Variants in NALF1 observed in about 807,000 individuals in gnomAD.
NALF1 encodes the protein family with sequence similarity 155 member A.
In NALF1, 3 loss-of-function variants were observed where a neutral mutation model predicts 48.4. That is an observed-to-expected ratio of 0.06 (90% CI 0.03 to 0.16). The LOEUF is 0.16. Among genes scored for constraint, NALF1 ranks in the 10% least tolerant of loss-of-function variants. The probability of loss-of-function intolerance (pLI) is 1.00; values close to 1 mark genes in which losing one functional copy is unlikely to be tolerated. For missense variants in NALF1, 526 were observed against 571.5 expected (o/e 0.92, Z 0.81); for synonymous variants, 262 against 245.7 (o/e 1.07, Z -0.62).
At chr13:107,465,072 T>G (rs1884979389) in intron 1 of NALF1, among the ~76,000 whole-genome samples, 1 of 152,136 alleles carries the variant, frequency 6.6e-6, no homozygotes, top group Non-Finnish European at 1.5e-5. Flanking sequence ...AACTTTACTT[T>G]TAACATTTAT....
intron 1 of NALF1, among the ~76,000 whole-genome samples, chr13:107,482,461 A>G (rs1381906878): frequency 1.3e-5 from 2 of 152,178 alleles, no homozygotes; most frequent in African/African-American, 2.4e-5. Flanking sequence ...ATATGCTTCC[A>G]TATCGACAGC....
At chr13:107,788,213 T>C (rs537698801) in intron 1 of NALF1, 2 of 152,344 alleles carry the variant, frequency 1.3e-5, no homozygotes, top group African/African-American at 4.8e-5. Flanking sequence ...TCCTTGTTTT[T>C]CAACTGGATC....
At chr13:107,387,696 C>T in intron 1 of NALF1, among the ~76,000 whole-genome samples, 1 of 152,160 alleles carries the variant, frequency 6.6e-6, no homozygotes, top group East Asian at 1.9e-4. Flanking sequence ...ATTAGAGAGT[C>T]AGACTGCATG....
At chr13:107,363,969 A>G (rs1008074175) in intron 1 of NALF1, among the ~76,000 whole-genome samples, 53 of 152,214 alleles carry the variant, frequency 3.5e-4, no homozygotes, top group Non-Finnish European at 8.8e-5. Flanking sequence ...GCATAAATAA[A>G]AATGAAATAG....
chr13:107,348,606 C>G (rs577277019), intron 1 of NALF1, among the ~76,000 whole-genome samples: 107 of 152,056 alleles, frequency 7.0e-4, no homozygotes, highest in Non-Finnish European at 1.4e-3. Context: ...CTCCCACCCC[C>G]CGGCAGGCCC....
chr13:107,806,820 T>A (rs188831357), intron 1 of NALF1, among the ~76,000 whole-genome samples: 1 of 152,276 alleles, frequency 6.6e-6, no homozygotes, highest in Admixed American at 6.5e-5. Flanking sequence ...TTCAATGCAA[T>A]AAATCAATAA....
At chr13:107,784,859 A>C (rs1878022955) in intron 1 of NALF1, among the ~76,000 whole-genome samples, 2 of 152,176 alleles carry the variant, frequency 1.3e-5, no homozygotes. Context: ...TTAAAGAACT[A>C]AAAGTAGAAC....
At chr13:107,369,685 A>C (rs750891529) in intron 1 of NALF1, among the ~76,000 whole-genome samples, 2 of 152,202 alleles carry the variant, frequency 1.3e-5, no homozygotes, top group Non-Finnish European at 2.9e-5. Context: ...ATTCTATCAA[A>C]AAGGGCTTTA....
chr13:107,522,921 C>A (rs1468386627), intron 1 of NALF1, among the ~76,000 whole-genome samples: 1 of 151,832 alleles, frequency 6.6e-6, no homozygotes, highest in Non-Finnish European at 1.5e-5. Context: ...CCTGGCCCCT[C>A]CAGATTCTTT....
rs183766307 is a variant in NALF1, at chr13:107,866,834, G to A, written c.-238C>T. 3,016 of 552,794 alleles carry A rather than the reference G, an allele frequency of 5.5e-3. 18 individuals carry two copies. Among genetic ancestry groups the A allele is most frequent in the South Asian group, 7.2e-3 (292 of 40,740 alleles). 34.2% of individuals were successfully genotyped at this position (552,794 alleles called of 1,614,324 possible). A position where few individuals can be genotyped will look rare whatever the true frequency, so the allele number is the denominator to read the frequency against. Reference sequence around the variant, plus strand: ...TACATAAATATTACCAGGCTTTGAAGGAAGGTCTGACTTGCTTCCTAATCA... The same window carrying A: ...TACATAAATATTACCAGGCTTTGAAAGAAGGTCTGACTTGCTTCCTAATCA... On this transcript the variant is annotated 5_prime_UTR_variant, in exon 1 of 3. Coordinates refer to ENST00000375915, the MANE Select transcript of NALF1 (RefSeq NM_001080396.3). This position sits in a 1 kb window ranked among gnomAD's most constrained non-coding sequence, Gnocchi z 4.4.
At chr13:107,340,133 G>T (rs1032041383) in intron 1 of NALF1, among the ~76,000 whole-genome samples, 1 of 150,728 alleles carries the variant, frequency 6.6e-6, no homozygotes, top group South Asian at 2.1e-4. Flanking sequence ...TCCTCTGTTT[G>T]CCTGTGGTTG....
chr13:107,418,314 T>C (rs1263579406), intron 1 of NALF1, among the ~76,000 whole-genome samples: 3 of 152,000 alleles, frequency 2.0e-5, no homozygotes, highest in African/African-American at 7.2e-5. Flanking sequence ...CAGGGATCAC[T>C]TACTGCCTTA....
chr13:107,865,439 T>C (rs1349500525), intron 1 of NALF1, among the ~76,000 whole-genome samples: 1 of 152,130 alleles, frequency 6.6e-6, no homozygotes, highest in Non-Finnish European at 1.5e-5. Context: ...CCAGCTTGAT[T>C]ATCTCAGATA....
At chr13:107,739,770 T>C (rs1215543593) in intron 1 of NALF1, among the ~76,000 whole-genome samples, 2 of 152,184 alleles carry the variant, frequency 1.3e-5, no homozygotes, top group African/African-American at 4.8e-5. Flanking sequence ...TTCCAGCTGC[T>C]TCCCAGTGCT....
chr13:107,666,204 AC>A (rs1880854320), intron 1 of NALF1, among the ~76,000 whole-genome samples: 1 of 152,038 alleles, frequency 6.6e-6, no homozygotes, highest in Non-Finnish European at 1.5e-5. Flanking sequence ...TCTCATAATA[AC>A]CGGATGTTAT....
At chr13:107,338,692 C>A (rs534627710) in intron 1 of NALF1, among the ~76,000 whole-genome samples, 1 of 152,220 alleles carries the variant, frequency 6.6e-6, no homozygotes, top group South Asian at 2.1e-4. Context: ...TATTAAGAGC[C>A]ATTCGGATTA....
chr13:107,752,395 T>C (rs1876964519), intron 1 of NALF1, among the ~76,000 whole-genome samples: 1 of 152,136 alleles, frequency 6.6e-6, no homozygotes, highest in Admixed American at 6.6e-5. Flanking sequence ...AGAAAATTTG[T>C]TATACATATA....
At chr13:107,434,903 G>A (rs138504992) in intron 1 of NALF1, among the ~76,000 whole-genome samples, 6 of 152,220 alleles carry the variant, frequency 3.9e-5, no homozygotes, top group East Asian at 1.9e-4. Context: ...ACACCCTGAC[G>A]TGGCACAGTG....
At chr13:107,469,450 G>A (rs1407758075) in intron 1 of NALF1, among the ~76,000 whole-genome samples, 6 of 152,100 alleles carry the variant, frequency 3.9e-5, no homozygotes, top group African/African-American at 7.2e-5. Context: ...TTGGCCCTAC[G>A]TGTCCATGGG....
Sources: allele counts gnomAD v4.1 joint callset (sites outside exome capture counted in the v4.1 genomes callset), GRCh38; gene constraint gnomAD v4.1.1; non-coding constraint Gnocchi (gnomAD v3.1); transcripts MANE v1.5; gene names NCBI Gene and HGNC (gene_info 2026-07-23, HGNC 2026-07-21).